DPEP3: variants seen among roughly 807,000 people sequenced by gnomAD.
The protein encoded by DPEP3 is membrane-bound dipeptidase 3.
Under a neutral mutation model 47.5 loss-of-function variants are expected in DPEP3, and 42 were observed. The observed-to-expected ratio is 0.88, with a 90% CI of 0.69 to 1.14. The LOEUF is 1.14. DPEP3 is among the 50% of genes most tolerant of loss of function. The pLI is 0.00. For synonymous variants in DPEP3, 276 were observed against 270.2 expected, an observed-to-expected ratio of 1.02 and a Z score of -0.21; for missense variants, 560 against 635.0, an observed-to-expected ratio of 0.88 and a Z score of 1.27.
At chr16:67,977,404 G>A in intron 6 of DPEP3, 50 bp from the exon 7 acceptor site, 1 of 1,567,846 alleles carries the variant, frequency 6.4e-7, no homozygotes, top group Non-Finnish European at 8.7e-7. Context: ...CTGAGAACAT[G>A]CCTCCTGTGC....
chr16:67,980,052 G>T, intron 1 of DPEP3, 42 bp downstream of exon 1: 1 of 1,573,140 alleles, frequency 6.4e-7, no homozygotes. Context: ...CCTGCCCAAG[G>T]GTGTGCTCAC....
In DPEP3 at chr16:67,978,930, T is replaced by C. The variant is rs1171260398; in HGVS notation, c.415-304A>G. Among the ~76,000 whole-genome samples the C allele has an allele frequency of 6.6e-6, 1 of 152,130 alleles. No homozygotes were observed. The highest frequency in any genetic ancestry group is 1.9e-4 in the East Asian group (1 of 5,188). On this transcript the variant is annotated intron_variant, in intron 2 of 9. Coordinates refer to ENST00000268793, the MANE Select transcript of DPEP3 (RefSeq NM_001370198.1). This position sits in a 1 kb window ranked among gnomAD's most constrained non-coding sequence, Gnocchi z 4.4. ...CCTCAGCCTCCCAAAGTGTTGGCAT[T>C]ACAGATGTGAACTACCGAGCCTGGT...
In DPEP3 at chr16:67,977,514, C is replaced by T. The variant is rs190863248; in HGVS notation, c.933+139G>A. The T allele has an allele frequency of 1.5e-5, 19 of 1,303,600 alleles. No homozygotes were observed. The East Asian group carries it at 4.3e-4, about 29-fold the overall frequency. The allele number at this position is 1,303,600 out of a possible 1,614,324, so 80.8% of individuals were successfully genotyped here. The stretch of plus-strand genomic sequence containing the variant: ...GGGTCCCTGAGTGGAAATTACTTGG[C>T]CTTAAGTTTCAGGGATGGAGGAGGA... On this transcript the variant is annotated intron_variant, in intron 6 of 9. Coordinates refer to ENST00000268793, the MANE Select transcript of DPEP3 (RefSeq NM_001370198.1).
chr16:67,976,274 C>CT (rs1197196562), intron 8 of DPEP3, 46 bp from the exon 9 acceptor site: 1 of 1,609,012 alleles, frequency 6.2e-7, no homozygotes, highest in Admixed American at 1.7e-5. Context: ...AGCCCTGATC[C>CT]TGGGTTGGGG....
chr16:67,976,488 T>G (rs550851451), intron 8 of DPEP3, among the ~76,000 whole-genome samples: 1 of 152,254 alleles, frequency 6.6e-6, no homozygotes, highest in Admixed American at 6.5e-5. Context: ...GGGGAGTATT[T>G]AGCAAGTATG....
chr16:67,976,731 C>T lies in DPEP3; in HGVS notation c.1063G>A (p.Gly355Arg), dbSNP rs199567405. The change falls in exon 8 of 10, where the codon GGG (glycine) becomes AGG (arginine). Residue 355 changes from glycine (G) to arginine (R), a missense_variant. Coordinates refer to ENST00000268793, the MANE Select transcript of DPEP3 (RefSeq NM_001370198.1). ...GTCCCGTCATAATTTCCACCAATCC[C>T]GATGAACTCAGATCCAATGACTGCC... ...IRAVIGSEFI[G>R]IGGNYDGTGR... The T allele has an allele frequency of 1.1e-4, 170 of 1,614,120 alleles. No individual in the cohort carries two copies. The highest frequency in any genetic ancestry group is 5.0e-5 in the Admixed American group (3 of 60,006).
chr16:67,976,318 A>G (rs1183107014), intron 8 of DPEP3, 90 bp from the exon 9 acceptor site: 1 of 1,541,352 alleles, frequency 6.5e-7, no homozygotes. Flanking sequence ...ACACAGGGGA[A>G]ACTGAAGGCC....
intron 6 of DPEP3, 38 bp from the exon 7 acceptor site, chr16:67,977,392 G>A: frequency 6.3e-7 from 1 of 1,596,492 alleles, no homozygotes; most frequent in Non-Finnish European, 8.6e-7. Context: ...AGCCCTTCTG[G>A]CCTGAGAACA....
chr16:67,976,666 C>T (rs1428140706), intron 8 of DPEP3, 34 bp downstream of exon 8: 9 of 1,606,558 alleles, frequency 5.6e-6, no homozygotes, highest in Non-Finnish European at 7.7e-6. Context: ...CCTGCTGCAC[C>T]CCAGCCTAAG....
chr16:67,978,112 G>A lies in DPEP3; in HGVS notation c.687-105C>T. 6 of 1,574,398 alleles carry A rather than the reference G, an allele frequency of 3.8e-6. No individual in the cohort carries two copies. Among genetic ancestry groups the A allele is most frequent in the Non-Finnish European group, 5.2e-6 (6 of 1,147,678 alleles). On this transcript the variant is annotated intron_variant, in intron 4 of 9. Coordinates refer to ENST00000268793, the MANE Select transcript of DPEP3 (RefSeq NM_001370198.1). This position sits in a 1 kb window ranked among gnomAD's most constrained non-coding sequence, Gnocchi z 4.4. ...CCATCCTGCTTCCAGAACAGGTGCAGAACCAGCTGCTTTCTGGGATTGTGA... is the reference window on the plus strand; with the variant it reads ...CCATCCTGCTTCCAGAACAGGTGCAAAACCAGCTGCTTTCTGGGATTGTGA...
intron 1 of DPEP3, 43 bp from the exon 2 acceptor site, chr16:67,979,808 GTCAGGATATA>G (rs760152097): frequency 6.2e-6 from 10 of 1,610,246 alleles, no homozygotes; most frequent in Non-Finnish European, 8.5e-6. Flanking sequence ...CTCCAGATCA[GTCAGGATATA>G]TCAGGTGCTT....
At position 67,975,663 on chromosome 16, in the gene DPEP3, T is replaced by G. The variant is rs1022692862; in HGVS notation, c.*102A>C. 8 of 1,179,706 alleles carry G rather than the reference T, an allele frequency of 6.8e-6. No individual in the cohort carries two copies. The African/African-American group carries it at 1.1e-4, about 16-fold the overall frequency. The allele number at this position is 1,179,706 out of a possible 1,614,324, so 73.1% of individuals were successfully genotyped here. A position where few individuals can be genotyped will look rare whatever the true frequency, so the allele number is the denominator to read the frequency against. Reference sequence around the variant, plus strand: ...AGAAGGAAGGACATGTGCACCTGGCTCCATGTGTAACATGTTTATTCTCAG... The same window carrying G: ...AGAAGGAAGGACATGTGCACCTGGCGCCATGTGTAACATGTTTATTCTCAG... On this transcript the variant is annotated 3_prime_UTR_variant, in exon 10 of 10. Coordinates refer to ENST00000268793, the MANE Select transcript of DPEP3 (RefSeq NM_001370198.1).
At position 67,975,853 on chromosome 16, in the gene DPEP3, G is replaced by C; in HGVS notation, c.1379C>G (p.Pro460Arg). ...EVTKQPTNRV[P>R]WRSSNASPYL... is the part of the protein sequence containing the mutation. ...TGGGGAGGCATTTGAGGACCTCCAG[G>C]GGACCCGATTGGTTGGCTGCTTGGT... is the stretch of plus-strand genomic sequence containing the variant. Residue 460 changes from proline to arginine, a missense_variant, in exon 10 of 10, where the codon CCC (proline) becomes CGC (arginine). Coordinates refer to ENST00000268793, the MANE Select transcript of DPEP3 (RefSeq NM_001370198.1). The C allele has an allele frequency of 6.2e-7, 1 of 1,613,878 alleles. No homozygotes were observed. The highest frequency in any genetic ancestry group is 8.5e-7 in the Non-Finnish European group (1 of 1,179,852).
rs374948271 is a variant in DPEP3 at position 67,980,066 on chromosome 16, G to A, written c.287+28C>T. ...TCCTGCCCAAGGGTGTGCTCACCCC[G>A]CGTTGCCCAAACGCTGCACCTACAT... On this transcript the variant is annotated intron_variant, in intron 1 of 9. Coordinates refer to ENST00000268793, the MANE Select transcript of DPEP3 (RefSeq NM_001370198.1). 9 of 1,587,998 alleles carry A rather than the reference G, an allele frequency of 5.7e-6. No homozygotes were observed. The African/African-American group carries it at 1.1e-4, about 19-fold the overall frequency.
chr16:67,979,802 A>G, intron 1 of DPEP3, 37 bp from the exon 2 acceptor site: 1 of 1,611,478 alleles, frequency 6.2e-7, no homozygotes, highest in African/African-American at 1.3e-5. Context: ...CACCGCCTCC[A>G]GATCAGTCAG....
intron 9 of DPEP3, 24 bp downstream of exon 9, chr16:67,976,069 A>ATCCT: frequency 6.2e-7 from 1 of 1,614,020 alleles, no homozygotes; most frequent in Non-Finnish European, 8.5e-7. Context: ...CCACTGAACC[A>ATCCT]TCCTGTCCAC....
Position 67,975,825 on chromosome 16 carries a change from G to A in DPEP3, c.1407C>T (p.Tyr469=). The change falls in exon 10 of 10, where the codon TAC becomes TAT. Residue 469 remains tyrosine, a synonymous_variant. Transcript: ENST00000268793. ...VPWRSSNASP[Y]LVPGLVAAAT... is the part of the protein sequence containing the mutation. ...CAGCAGCCACAAGGCCTGGAACAAG[G>A]TATGGGGAGGCATTTGAGGACCTCC... is the stretch of plus-strand genomic sequence containing the variant. 6.2e-7 allele frequency: 1 copy of A among 1,613,950 alleles called. No homozygotes were observed. Among genetic ancestry groups the A allele is most frequent in the Non-Finnish European group, 8.5e-7 (1 of 1,179,872 alleles).
chr16:67,976,565 G>T, intron 8 of DPEP3, 135 bp downstream of exon 8: 1 of 811,806 alleles, frequency 1.2e-6, no homozygotes, highest in Non-Finnish European at 2.0e-6. Context: ...GGCCCTGAGA[G>T]TGGGGAGTGT....
At chr16:67,977,126 C>G in intron 7 of DPEP3, 144 bp downstream of exon 7, 1 of 693,278 alleles carries the variant, frequency 1.4e-6, no homozygotes, top group Non-Finnish European at 2.5e-6. Flanking sequence ...ATCTGGGTGG[C>G]ACTGAAGAGC....
Sources: allele counts gnomAD v4.1 joint callset (sites outside exome capture counted in the v4.1 genomes callset), GRCh38; gene constraint gnomAD v4.1.1; non-coding constraint Gnocchi (gnomAD v3.1); transcripts MANE v1.5; gene names NCBI Gene and HGNC (gene_info 2026-07-23, HGNC 2026-07-21).